Variants in HPCAL1 observed in about 807,000 individuals in gnomAD.
HPCAL1 encodes the protein hippocalcin-like protein 1.
Under a neutral mutation model 17.1 loss-of-function variants are expected in HPCAL1, and 8 were observed. That is an observed-to-expected ratio of 0.47 (90% CI 0.27 to 0.84). The LOEUF is 0.84. HPCAL1 is among the 40% of genes least tolerant of loss of function. The pLI is 0.13. For missense variants in HPCAL1, 165 were observed against 271.1 expected (o/e 0.61, Z 2.75); for synonymous variants, 112 against 111.4 (o/e 1.01, Z -0.03).
chr2:10,318,671 A>G (rs1338945985), intron 1 of HPCAL1, among the ~76,000 whole-genome samples: 1 of 152,154 alleles, frequency 6.6e-6, no homozygotes, highest in Non-Finnish European at 1.5e-5. Flanking sequence ...AACAAACCTC[A>G]GGCCCCAAGT....
At chr2:10,334,952 A>G (rs1190173629) in intron 1 of HPCAL1, among the ~76,000 whole-genome samples, 2 of 152,264 alleles carry the variant, frequency 1.3e-5, no homozygotes, top group African/African-American at 4.8e-5. Context: ...TGCTGGGATT[A>G]CAGGCGTGAG....
chr2:10,327,518 A>G (rs1664089299), intron 1 of HPCAL1, among the ~76,000 whole-genome samples: 1 of 152,148 alleles, frequency 6.6e-6, no homozygotes, highest in Non-Finnish European at 1.5e-5. Flanking sequence ...TGGTAAGGCT[A>G]TTGTCAGGAT....
chr2:10,330,168 T>C lies in HPCAL1; in HGVS notation c.-111+26991T>C, dbSNP rs1664269099. 6.6e-6 allele frequency: 1 copy of C among 152,136 alleles called. No individual in the cohort carries two copies. Among genetic ancestry groups the C allele is most frequent in the South Asian group, 2.1e-4 (1 of 4,830 alleles). The allele number at this position is 152,136 out of a possible 1,614,324, so 9.4% of individuals were successfully genotyped here. On this transcript the variant is annotated intron_variant, in intron 1 of 4. Coordinates refer to ENST00000307845, the MANE Select transcript of HPCAL1 (RefSeq NM_002149.4). The surrounding 1 kb of genome is among the most constrained non-coding windows in gnomAD (Gnocchi z 4.2). ...TTCTTTTTCAGAGCGGCCTTTATGC[T>C]GTGTTCGGGGCTGTCTGTCGGCGCC...
At chr2:10,376,765 A>G (rs1276198178) in intron 1 of HPCAL1, among the ~76,000 whole-genome samples, 1 of 152,102 alleles carries the variant, frequency 6.6e-6, no homozygotes, top group African/African-American at 2.4e-5. Flanking sequence ...CACAAAATGC[A>G]TATTTTATTT....
chr2:10,399,510 ACCGCCGCCACCACCGCCACTG>A (rs1669415506), intron 2 of HPCAL1, among the ~76,000 whole-genome samples: 8 of 133,544 alleles, frequency 6.0e-5, no homozygotes, highest in African/African-American at 2.4e-4. Flanking sequence ...CATCACCACC[ACCGCCGCCACCACCGCCACTG>A]CCACCGCCAC....
chr2:10,383,365 C>G lies in HPCAL1; in HGVS notation c.-110-13470C>G, dbSNP rs557943482. 3.9e-5 allele frequency among the ~76,000 whole-genome samples: 6 copies of G among 152,036 alleles called. No individual in the cohort carries two copies. In the East Asian group the frequency reaches 1.2e-3, roughly 30 times the overall value. On this transcript the variant is annotated intron_variant, in intron 1 of 4. Transcript: ENST00000307845. ...CCAGCCTGGGTGACAGAGTGAGACC[C>G]ACCCCCCTTTTTTTTCAGACCGCAT...
chr2:10,361,625 G>A lies in HPCAL1; in HGVS notation c.-110-35210G>A, dbSNP rs139984718. Among the ~76,000 whole-genome samples the A allele has an allele frequency of 5.9e-3, 905 of 152,192 alleles. 7 individuals carry two copies. Among genetic ancestry groups the A allele is most frequent in the Non-Finnish European group, 8.3e-3 (562 of 68,010 alleles). ...AGAGGGCTAGGATTTCTCATAAGGCGACTGTTATCTTTTGATAATCACATA... is the reference window on the plus strand; with the variant it reads ...AGAGGGCTAGGATTTCTCATAAGGCAACTGTTATCTTTTGATAATCACATA... On this transcript the variant is annotated intron_variant, in intron 1 of 4. Coordinates refer to ENST00000307845, the MANE Select transcript of HPCAL1 (RefSeq NM_002149.4).
At chr2:10,356,087 C>T (rs111785429) in intron 1 of HPCAL1, among the ~76,000 whole-genome samples, 56 of 152,244 alleles carry the variant, frequency 3.7e-4, no homozygotes, top group African/African-American at 1.3e-3. Flanking sequence ...GCGAGGGAAC[C>T]GCCAGTTCAT....
rs2125406488 is a variant in HPCAL1 at position 10,323,836 on chromosome 2, T to G, written c.-111+20659T>G. Among the ~76,000 whole-genome samples, 1 of 152,334 alleles carries G rather than the reference T, an allele frequency of 6.6e-6. No homozygotes were observed. The highest frequency in any genetic ancestry group is 2.1e-4 in the South Asian group (1 of 4,828). On this transcript the variant is annotated intron_variant, in intron 1 of 4. Coordinates refer to ENST00000307845, the MANE Select transcript of HPCAL1 (RefSeq NM_002149.4). This position sits in a 1 kb window ranked among gnomAD's most constrained non-coding sequence, Gnocchi z 4.6. The stretch of plus-strand genomic sequence containing the variant: ...AACAACAACAAAAATCTGCGTCTTG[T>G]CGGAACTTCCATATACACTTCCACT...
At chr2:10,391,640 C>T (rs1668703067) in intron 1 of HPCAL1, among the ~76,000 whole-genome samples, 1 of 152,226 alleles carries the variant, frequency 6.6e-6, no homozygotes, top group African/African-American at 2.4e-5. Flanking sequence ...CTTCTGCCAG[C>T]CCCAAGAAAC....
intron 1 of HPCAL1, among the ~76,000 whole-genome samples, chr2:10,312,663 C>T (rs556185019): frequency 6.6e-6 from 1 of 151,020 alleles, no homozygotes; most frequent in Non-Finnish European, 1.5e-5. Context: ...CACCTTTCTC[C>T]ATCACCATCA....
At chr2:10,422,102 A>G (rs1039714506) in intron 3 of HPCAL1, among the ~76,000 whole-genome samples, 1 of 152,114 alleles carries the variant, frequency 6.6e-6, no homozygotes, top group Non-Finnish European at 1.5e-5. Flanking sequence ...AGCAGTGAGG[A>G]GCAGCCACTT....
intron 1 of HPCAL1, among the ~76,000 whole-genome samples, chr2:10,387,120 G>A (rs1310066705): frequency 1.3e-5 from 2 of 152,220 alleles, no homozygotes; most frequent in Admixed American, 1.3e-4. Context: ...GCACCCATGA[G>A]GAGCAGGTGG....
In HPCAL1 at chr2:10,362,317, G is replaced by A. The variant is rs146682310; in HGVS notation, c.-110-34518G>A. ...TCAGTCCTGGAGTGGCAGCATGGGG[G>A]GCGGGGGCAGGAGCATGGGGGACAA... On this transcript the variant is annotated intron_variant, in intron 1 of 4. Coordinates refer to ENST00000307845, the MANE Select transcript of HPCAL1 (RefSeq NM_002149.4). The surrounding 1 kb of genome is among the most constrained non-coding windows in gnomAD (Gnocchi z 5.0). Among the ~76,000 whole-genome samples the A allele has an allele frequency of 4.3e-3, 660 of 152,240 alleles. 1 individual carries two copies. Among genetic ancestry groups the A allele is most frequent in the Middle Eastern group, 0.014 (4 of 294 alleles).
intron 1 of HPCAL1, among the ~76,000 whole-genome samples, chr2:10,318,931 G>A (rs552068030): frequency 6.6e-6 from 1 of 152,292 alleles, no homozygotes; most frequent in Admixed American, 6.5e-5. Flanking sequence ...CGGGACCACT[G>A]CCATGCTTTT....
intron 1 of HPCAL1, among the ~76,000 whole-genome samples, chr2:10,318,484 C>T (rs1225625196): frequency 3.9e-5 from 6 of 152,224 alleles, no homozygotes; most frequent in African/African-American, 1.4e-4. Flanking sequence ...ATGGGGTCCT[C>T]AAGTGGCCTT....
chr2:10,391,556 A>G (rs1413768429), intron 1 of HPCAL1, among the ~76,000 whole-genome samples: 1 of 152,166 alleles, frequency 6.6e-6, no homozygotes, highest in East Asian at 1.9e-4. Flanking sequence ...ACCATGGTCA[A>G]TTTTAGAGTG....
intron 1 of HPCAL1, among the ~76,000 whole-genome samples, chr2:10,340,006 T>A (rs1664977816): frequency 6.6e-6 from 1 of 152,154 alleles, no homozygotes; most frequent in Non-Finnish European, 1.5e-5. Flanking sequence ...TTGGGATGAG[T>A]TCTTTCACTT....
intron 2 of HPCAL1, among the ~76,000 whole-genome samples, chr2:10,399,457 C>CCAT (rs1558518342): frequency 1.2e-5 from 1 of 83,234 alleles, no homozygotes; most frequent in Non-Finnish European, 2.9e-5. Context: ...ATCACCACCA[C>CCAT]CACCACCATC....
Sources: gnomAD v4.1 joint callset for allele counts (sites outside exome capture counted in the v4.1 genomes callset) on GRCh38, gnomAD v4.1.1 for gene constraint, Gnocchi (gnomAD v3.1) non-coding constraint, MANE v1.5 for transcripts, NCBI Gene and HGNC (gene_info 2026-07-23, HGNC 2026-07-21) for gene names.